NNMT: variants seen among roughly 807,000 people sequenced by gnomAD.
The protein encoded by NNMT is nicotinamide N-methyltransferase.
Under a neutral mutation model 11.7 loss-of-function variants are expected in NNMT, and 10 were observed. The observed-to-expected ratio is 0.85, with a 90% CI of 0.53 to 1.45. The LOEUF (loss-of-function observed/expected upper bound fraction) is 1.45, where lower values mean the gene tolerates loss of function less well. NNMT is among the 40% of genes most tolerant of loss of function. NNMT has a pLI of 0.00. For missense variants in NNMT, 381 were observed against 319.4 expected, an observed-to-expected ratio of 1.19 and a Z score of -1.47; for synonymous variants, 143 against 133.8, an observed-to-expected ratio of 1.07 and a Z score of -0.48.
intron 2 of NNMT, among the ~76,000 whole-genome samples, chr11:114,275,749 GGGGTTAT>G (rs1945208884): frequency 6.6e-6 from 1 of 152,160 alleles, no homozygotes; most frequent in Admixed American, 6.5e-5. Flanking sequence ...TGAGTGTATA[GGGGTTAT>G]GGTTATGGTT....
chr11:114,297,645 C>T (rs1240043083), intron 1 of NNMT, among the ~76,000 whole-genome samples: 2 of 152,064 alleles, frequency 1.3e-5, no homozygotes, highest in African/African-American at 4.8e-5. Flanking sequence ...GCCACCATGC[C>T]TAGCTAATTT....
chr11:114,295,112 T>C (rs534853299), upstream of NNMT, among the ~76,000 whole-genome samples: 1 of 152,338 alleles, frequency 6.6e-6, no homozygotes, highest in East Asian at 1.9e-4. Flanking sequence ...TCAGCATTAC[T>C]TGGTTGCAAT....
chr11:114,298,806 T>C (rs1419749679), intron 2 of NNMT, among the ~76,000 whole-genome samples: 6 of 152,212 alleles, frequency 3.9e-5, no homozygotes, highest in Non-Finnish European at 8.8e-5. Context: ...ATCTCATTTG[T>C]TCATGTAAAT....
intron 2 of NNMT, among the ~76,000 whole-genome samples, chr11:114,300,386 G>T (rs558943124): frequency 6.6e-6 from 1 of 152,064 alleles, no homozygotes; most frequent in South Asian, 2.1e-4. Context: ...TATTGTTATT[G>T]CTTTCAAATT....
At chr11:114,304,854 A>G (rs112508725) in intron 2 of NNMT, among the ~76,000 whole-genome samples, 2 of 152,318 alleles carry the variant, frequency 1.3e-5, no homozygotes, top group African/African-American at 4.8e-5. Context: ...AAAAATAATA[A>G]TAAAAATAAA....
intron 2 of NNMT, among the ~76,000 whole-genome samples, chr11:114,285,723 G>T (rs189169787): frequency 5.3e-5 from 8 of 152,348 alleles, no homozygotes; most frequent in Admixed American, 5.2e-4. Flanking sequence ...TATGGTTTGA[G>T]CAGAGAAAGA....
At chr11:114,282,673 A>G (rs1050484337) in intron 2 of NNMT, among the ~76,000 whole-genome samples, 2 of 152,106 alleles carry the variant, frequency 1.3e-5, no homozygotes, top group Admixed American at 6.5e-5. Flanking sequence ...AAACCCTCGC[A>G]TTCCAATCTC....
At chr11:114,274,239 G>A (rs1269519520) in intron 2 of NNMT, among the ~76,000 whole-genome samples, 2 of 152,246 alleles carry the variant, frequency 1.3e-5, no homozygotes, top group Non-Finnish European at 2.9e-5. Context: ...GGACCTCAGA[G>A]CCATGCTTCG....
intron 2 of NNMT, among the ~76,000 whole-genome samples, chr11:114,310,504 C>T (rs1483524285): frequency 2.0e-5 from 3 of 152,256 alleles, no homozygotes; most frequent in African/African-American, 7.2e-5. Flanking sequence ...CTAGTGTCCA[C>T]TCTCTCGAAT....
rs1941402 is a variant in NNMT, at chr11:114,299,454, A to T, written c.362+1296A>T. On this transcript the variant is annotated intron_variant, in intron 2 of 2. Coordinates refer to ENST00000299964, the MANE Select transcript of NNMT (RefSeq NM_006169.3). ...CCAAAGTGGCATAAACTACTTGGTC[A>T]TGAAGTATAATTGAGCTATAATTTT... Among the ~76,000 whole-genome samples the T allele has an allele frequency of 7.2e-3, 1,102 of 152,348 alleles. 10 individuals are homozygous for T. The highest frequency in any genetic ancestry group is 0.025 in the African/African-American group (1,024 of 41,582).
chr11:114,260,859 G>A (rs951050402), intron 1 of NNMT, among the ~76,000 whole-genome samples: 20 of 152,200 alleles, frequency 1.3e-4, no homozygotes, highest in African/African-American at 4.3e-4. Flanking sequence ...TTCAGTCGAG[G>A]GGACCTGGGT....
chr11:114,292,354 A>C (rs1054137108), upstream of NNMT, among the ~76,000 whole-genome samples: 4 of 152,218 alleles, frequency 2.6e-5, no homozygotes, highest in African/African-American at 7.2e-5. Flanking sequence ...AACATAAGCA[A>C]TGATGGTGTT....
chr11:114,266,285 T>G (rs1342022097), intron 2 of NNMT, among the ~76,000 whole-genome samples: 1 of 152,198 alleles, frequency 6.6e-6, no homozygotes, highest in Non-Finnish European at 1.5e-5. Context: ...GTCTACCTTT[T>G]AAGTAGTTGC....
Position 114,312,610 on chromosome 11 carries a change from G to A in NNMT, c.*133G>A. The stretch of plus-strand genomic sequence containing the variant: ...CAATGGTTCATCTAGGACGGGACTA[G>A]AGAGGTCAGTCTACAAGCAATCCAT... On this transcript the variant is annotated 3_prime_UTR_variant, in exon 3 of 3. Coordinates refer to ENST00000299964, the MANE Select transcript of NNMT (RefSeq NM_006169.3). 1.2e-6 allele frequency: 1 copy of A among 817,716 alleles called. No homozygotes were observed. The highest frequency in any genetic ancestry group is 2.5e-5 in the Admixed American group (1 of 39,304). The allele number at this position is 817,716 out of a possible 1,614,324, so 50.7% of individuals were successfully genotyped here.
chr11:114,310,374 C>T (rs1945538493), intron 2 of NNMT, among the ~76,000 whole-genome samples: 1 of 152,186 alleles, frequency 6.6e-6, no homozygotes, highest in African/African-American at 2.4e-5. Context: ...AGCATCTTTT[C>T]ATCTGCTAAT....
At chr11:114,301,937 A>T (rs1422335527) in intron 2 of NNMT, among the ~76,000 whole-genome samples, 2 of 152,026 alleles carry the variant, frequency 1.3e-5, no homozygotes, top group African/African-American at 2.4e-5. Context: ...AATTTCCCCC[A>T]GTTGAACCAG....
chr11:114,305,191 G>A (rs1443987315), intron 2 of NNMT, among the ~76,000 whole-genome samples: 1 of 152,346 alleles, frequency 6.6e-6, no homozygotes, highest in African/African-American at 2.4e-5. Flanking sequence ...GGTGTCTGGA[G>A]CAGGGCTTCC....
intron 2 of NNMT, among the ~76,000 whole-genome samples, chr11:114,285,419 A>G: frequency 6.6e-6 from 1 of 152,118 alleles, no homozygotes; most frequent in East Asian, 1.9e-4. Context: ...AGAGTGACAA[A>G]AGAGAGAAGC....
chr11:114,269,768 C>T (rs1242640414), intron 2 of NNMT, among the ~76,000 whole-genome samples: 2 of 152,168 alleles, frequency 1.3e-5, no homozygotes, highest in African/African-American at 4.8e-5. Context: ...GGCTTCTGTA[C>T]TCATTACTTT....
Sources: allele counts gnomAD v4.1 joint callset (sites outside exome capture counted in the v4.1 genomes callset), GRCh38; gene constraint gnomAD v4.1.1; transcripts MANE v1.5; gene names NCBI Gene and HGNC (gene_info 2026-07-23, HGNC 2026-07-21).